The following TMPRSS11F variants were observed in gnomAD, a reference collection of about 807,000 sequenced individuals.
TMPRSS11F encodes transmembrane serine protease 11F, also known as transmembrane protease serine 11F.
Under a neutral mutation model 60.2 loss-of-function variants are expected in TMPRSS11F, and 47 were observed. That is an observed-to-expected ratio of 0.78 (90% CI 0.62 to 1.00). The LOEUF (loss-of-function observed/expected upper bound fraction) is 1.00. Among genes scored for constraint, TMPRSS11F ranks in the 50% least tolerant of loss-of-function variants. TMPRSS11F has a pLI of 0.00. For missense variants in TMPRSS11F, 519 were observed against 522.9 expected (o/e 0.99, Z 0.07); for synonymous variants, 166 against 167.3 (o/e 0.99, Z 0.06).
intron 3 of TMPRSS11F, among the ~76,000 whole-genome samples, chr4:68,085,485 G>T (rs1560401127): frequency 6.6e-6 from 1 of 152,168 alleles, no homozygotes; most frequent in Admixed American, 6.5e-5. Flanking sequence ...ACACATTTAA[G>T]TACGTAGCCC....
intron 1 of TMPRSS11F, among the ~76,000 whole-genome samples, chr4:68,122,062 T>C (rs548154994): frequency 6.0e-4 from 91 of 152,320 alleles, no homozygotes; most frequent in African/African-American, 2.1e-3. Flanking sequence ...ATGTATTAAG[T>C]GATTCATTAA....
At chr4:68,066,704 G>A (rs1016381669) in intron 7 of TMPRSS11F, among the ~76,000 whole-genome samples, 1 of 152,218 alleles carries the variant, frequency 6.6e-6, no homozygotes, top group African/African-American at 2.4e-5. Context: ...GGGAGGCTGA[G>A]GCGGGCGGAT....
intron 8 of TMPRSS11F, chr4:68,062,284 T>G: frequency 2.3e-6 from 1 of 429,550 alleles, no homozygotes; most frequent in Non-Finnish European, 4.5e-6. Context: ...CAAAAACATC[T>G]TATTAAATTT....
intron 1 of TMPRSS11F, among the ~76,000 whole-genome samples, chr4:68,105,593 G>A (rs74715211): frequency 6.6e-6 from 1 of 152,046 alleles, no homozygotes; most frequent in Non-Finnish European, 1.5e-5. Context: ...GGATAGTCCT[G>A]TTTCTTTCAA....
rs1723578405 is a variant in TMPRSS11F, at chr4:68,076,084, A to G, written c.283-2075T>C. Among the ~76,000 whole-genome samples the G allele has an allele frequency of 2.0e-5, 3 of 152,298 alleles. No homozygotes were observed. The South Asian group carries it at 6.2e-4, about 32-fold the overall frequency. ...GAAATTATGTTACAGTTAACAGACA[A>G]AAGTTTGCTTAAAGTTATACCTCCT... is the stretch of plus-strand genomic sequence containing the variant. On this transcript the variant is annotated intron_variant, in intron 3 of 9. Transcript: ENST00000356291.
intron 1 of TMPRSS11F, among the ~76,000 whole-genome samples, chr4:68,107,762 C>A (rs1487564848): frequency 6.6e-6 from 1 of 152,254 alleles, no homozygotes; most frequent in Non-Finnish European, 1.5e-5. Context: ...CATGGTGAAA[C>A]CCCATCTCTA....
chr4:68,095,895 C>CAAAAAAAAAAAAAAAAAA (rs56309846), intron 2 of TMPRSS11F, among the ~76,000 whole-genome samples: 1 of 83,556 alleles, frequency 1.2e-5, no homozygotes, highest in Non-Finnish European at 2.2e-5. Context: ...GATTCCATCT[C>CAAAAAAAAAAAAAAAAAA]AAAAAAAAAA....
intron 3 of TMPRSS11F, among the ~76,000 whole-genome samples, chr4:68,074,270 C>T (rs1420552032): frequency 1.3e-5 from 2 of 152,112 alleles, no homozygotes; most frequent in African/African-American, 4.8e-5. Flanking sequence ...TTTGCTAAGC[C>T]TCTGTAAAAT....
chr4:68,114,499 T>C (rs2109883344), intron 1 of TMPRSS11F, among the ~76,000 whole-genome samples: 1 of 152,152 alleles, frequency 6.6e-6, no homozygotes, highest in East Asian at 1.9e-4. Context: ...ATACAAAAAC[T>C]TTCAAAGCTC....
intron 3 of TMPRSS11F, among the ~76,000 whole-genome samples, chr4:68,081,421 T>C (rs536768302): frequency 1.3e-5 from 2 of 152,366 alleles, no homozygotes; most frequent in African/African-American, 4.8e-5. Context: ...TTTATTTTTA[T>C]CTAAACAAAC....
intron 2 of TMPRSS11F, among the ~76,000 whole-genome samples, chr4:68,091,314 C>T (rs1166181796): frequency 3.3e-5 from 5 of 152,104 alleles, no homozygotes; most frequent in African/African-American, 9.7e-5. Flanking sequence ...CCTGGCCATA[C>T]GTCGCAGTCA....
At chr4:68,062,262 T>G in intron 8 of TMPRSS11F, 1 of 420,352 alleles carries the variant, frequency 2.4e-6, no homozygotes, top group Non-Finnish European at 4.6e-6. Context: ...TAAATTAAAA[T>G]TAACTTCAAA....
chr4:68,115,356 CAAAAAA>C (rs57550471), intron 1 of TMPRSS11F, among the ~76,000 whole-genome samples: 8 of 74,690 alleles, frequency 1.1e-4, no homozygotes, highest in African/African-American at 1.6e-4. Context: ...GACACCATCT[CAAAAAA>C]AAAAAAAAAA....
rs185510252 is a variant in TMPRSS11F, at chr4:68,117,205, C to T, written c.11+12605G>A. ...CAAATTGGCCAGGCGCGGTGGCTCA[C>T]GCTTGTAATCTCAGCACTTTGGGAG... On this transcript the variant is annotated intron_variant, in intron 1 of 9. Transcript: ENST00000356291. Among the ~76,000 whole-genome samples the T allele has an allele frequency of 2.1e-3, 315 of 152,114 alleles. 1 individual carries two copies. The highest frequency in any genetic ancestry group is 3.2e-3 in the Non-Finnish European group (217 of 67,990).
chr4:68,094,781 T>C (rs896628035), intron 2 of TMPRSS11F, among the ~76,000 whole-genome samples: 23 of 152,050 alleles, frequency 1.5e-4, no homozygotes, highest in African/African-American at 4.8e-4. Context: ...CTTTAGATAA[T>C]TGGGTTTCTG....
At chr4:68,092,030 T>C (rs1014808910) in intron 2 of TMPRSS11F, among the ~76,000 whole-genome samples, 1 of 151,962 alleles carries the variant, frequency 6.6e-6, no homozygotes. Flanking sequence ...AAGTGATCCA[T>C]GAGCCTAGGC....
intron 1 of TMPRSS11F, among the ~76,000 whole-genome samples, chr4:68,124,945 A>ATTTTTTTTTT (rs370189875): frequency 1.4e-4 from 13 of 94,102 alleles, no homozygotes; most frequent in Admixed American, 4.4e-4. Context: ...CTAAACCAGC[A>ATTTTTTTTTT]TTTTTTTTTT....
At chr4:68,077,047 G>A (rs904387034) in intron 3 of TMPRSS11F, among the ~76,000 whole-genome samples, 3 of 152,146 alleles carry the variant, frequency 2.0e-5, no homozygotes, top group Non-Finnish European at 2.9e-5. Context: ...AAGCCAGGGG[G>A]CAACCATGTA....
rs1056916824 is a variant in TMPRSS11F, at chr4:68,068,941, G to A, written c.554-122C>T. ...CCATGTGAACCATTCATAGCACTCA[G>A]CCTTTGAGCTTATTTGATACAGGTC... On this transcript the variant is annotated intron_variant, in intron 6 of 9. Transcript: ENST00000356291. 4.1e-6 allele frequency: 4 copies of A among 966,724 alleles called. No individual in the cohort carries two copies. In the South Asian group the frequency reaches 6.1e-5, roughly 15 times the overall value. The allele number at this position is 966,724 out of a possible 1,614,324, so 59.9% of individuals were successfully genotyped here.
Sources: allele counts gnomAD v4.1 joint callset (sites outside exome capture counted in the v4.1 genomes callset), GRCh38; gene constraint gnomAD v4.1.1; transcripts MANE v1.5; gene names NCBI Gene and HGNC (gene_info 2026-07-23, HGNC 2026-07-21).